The following TRAPPC8 variants were observed in gnomAD, a reference collection of about 807,000 sequenced individuals.
TRAPPC8 encodes general sporulation gene 1 homolog.
In TRAPPC8, 54 loss-of-function variants were observed where a neutral mutation model predicts 174.3. The ratio of observed to expected loss-of-function variants is 0.31; its 90% CI spans 0.25 to 0.39. TRAPPC8 has a LOEUF of 0.39. Among genes scored for constraint, TRAPPC8 ranks in the 10% least tolerant of loss-of-function variants. TRAPPC8 has a pLI of 1.00. For synonymous variants in TRAPPC8, 630 were observed against 579.9 expected, an observed-to-expected ratio of 1.09 and a Z score of -1.24; for missense variants, 1,531 against 1,699.1, an observed-to-expected ratio of 0.90 and a Z score of 1.74.
intron 12 of TRAPPC8, among the ~76,000 whole-genome samples, chr18:31,888,757 T>C (rs1364873250): frequency 6.6e-6 from 1 of 151,986 alleles, no homozygotes; most frequent in African/African-American, 2.4e-5. Context: ...CTGGGGCCTG[T>C]TGAGGGGTAG....
chr18:31,859,053 A>T (rs1262532160), intron 19 of TRAPPC8, among the ~76,000 whole-genome samples: 1 of 152,180 alleles, frequency 6.6e-6, no homozygotes, highest in South Asian at 2.1e-4. Flanking sequence ...AGATTGTGCC[A>T]CTGCACTCCA....
rs895282662 is a variant in TRAPPC8, at chr18:31,891,712, G to A, written c.1597-846C>T. On this transcript the variant is annotated intron_variant, in intron 11 of 28. Transcript: ENST00000283351. Reference sequence around the variant, plus strand: ...AGCTGAACTTACCATGCCCTTCCATGTGTTCTGCTGCCATTATTTTCCCCA... The same window carrying A: ...AGCTGAACTTACCATGCCCTTCCATATGTTCTGCTGCCATTATTTTCCCCA... Among the ~76,000 whole-genome samples, 12 of 152,272 alleles carry A rather than the reference G, an allele frequency of 7.9e-5. No homozygotes were observed. In the South Asian group the frequency reaches 2.5e-3, roughly 32 times the overall value.
chr18:31,903,107 C>CGCAT (rs1555674912), intron 9 of TRAPPC8, among the ~76,000 whole-genome samples: 7 of 137,528 alleles, frequency 5.1e-5, no homozygotes, highest in Non-Finnish European at 9.6e-5. Flanking sequence ...TTTGATTGCG[C>CGCAT]GCGTGCGTGC....
rs549891981 is a variant in TRAPPC8 at position 31,871,831 on chromosome 18, A to G, written c.2063-711T>C. Among the ~76,000 whole-genome samples the G allele has an allele frequency of 3.9e-5, 6 of 152,254 alleles. No homozygotes were observed. In the South Asian group the frequency reaches 1.2e-3, roughly 32 times the overall value. Reference sequence around the variant, plus strand: ...ATTTCTTTCACTCTTTTGCTACTACAAACAATGCTACTATGAATATGACAA... The same window carrying G: ...ATTTCTTTCACTCTTTTGCTACTACGAACAATGCTACTATGAATATGACAA... On this transcript the variant is annotated intron_variant, in intron 14 of 28. Coordinates refer to ENST00000283351, the MANE Select transcript of TRAPPC8 (RefSeq NM_014939.5).
chr18:31,864,608 A>G lies in TRAPPC8; in HGVS notation c.2745+19T>C, dbSNP rs1441731111. 1.2e-6 allele frequency: 2 copies of G among 1,603,430 alleles called. No individual in the cohort carries two copies. The highest frequency in any genetic ancestry group is 1.1e-5 in the South Asian group (1 of 87,908). On this transcript the variant is annotated intron_variant, in intron 19 of 28. Coordinates refer to ENST00000283351, the MANE Select transcript of TRAPPC8 (RefSeq NM_014939.5). ...CATATAGATAAATTAAGTCCATGAAATTTTAAAAAGTGAAATACCTCCAAC... is the reference window on the plus strand; with the variant it reads ...CATATAGATAAATTAAGTCCATGAAGTTTTAAAAAGTGAAATACCTCCAAC...
At chr18:31,851,450 A>C (rs940765437) in intron 24 of TRAPPC8, among the ~76,000 whole-genome samples, 60 of 152,084 alleles carry the variant, frequency 3.9e-4, no homozygotes, top group Admixed American at 6.6e-5. Flanking sequence ...CATATTAACA[A>C]GATTTCTGAT....
intron 19 of TRAPPC8, among the ~76,000 whole-genome samples, chr18:31,859,112 A>G (rs1043095716): frequency 6.6e-6 from 1 of 152,024 alleles, no homozygotes; most frequent in South Asian, 2.1e-4. Context: ...ACAAACAAAC[A>G]AACAAAAAAA....
At chr18:31,925,886 A>T (rs569267731) in intron 2 of TRAPPC8, among the ~76,000 whole-genome samples, 4 of 152,238 alleles carry the variant, frequency 2.6e-5, no homozygotes, top group Admixed American at 2.6e-4. Context: ...AGTATATAAA[A>T]TAAGAACATT....
chr18:31,904,850 T>A (rs957684770), intron 9 of TRAPPC8, among the ~76,000 whole-genome samples: 3 of 152,082 alleles, frequency 2.0e-5, no homozygotes, highest in South Asian at 2.1e-4. Context: ...GCCAACTTGG[T>A]GAAACCCCAT....
At chr18:31,925,667 A>C (rs1485872306) in intron 2 of TRAPPC8, among the ~76,000 whole-genome samples, 2 of 152,208 alleles carry the variant, frequency 1.3e-5, no homozygotes, top group African/African-American at 4.8e-5. Flanking sequence ...CAGTAAAATA[A>C]GTGAAAAAGG....
chr18:31,886,809 C>T (rs1317435473), intron 12 of TRAPPC8, among the ~76,000 whole-genome samples: 2 of 152,108 alleles, frequency 1.3e-5, no homozygotes, highest in Non-Finnish European at 2.9e-5. Flanking sequence ...GGTGAAACCA[C>T]GTCTCTACTA....
intron 5 of TRAPPC8, among the ~76,000 whole-genome samples, chr18:31,911,756 CAAAAAAA>C (rs71177805): frequency 0.23 from 14,640 of 63,134 alleles, 1,056 homozygotes; most frequent in South Asian, 0.44. Flanking sequence ...GACTCCGTCT[CAAAAAAA>C]AAAAAAAAAA....
chr18:31,912,809 C>A (rs765723871), intron 5 of TRAPPC8, among the ~76,000 whole-genome samples: 1 of 152,132 alleles, frequency 6.6e-6, no homozygotes, highest in African/African-American at 2.4e-5. Flanking sequence ...CAATTCTTAA[C>A]GTGTAATTCA....
intron 12 of TRAPPC8, among the ~76,000 whole-genome samples, chr18:31,880,113 ATATATATAT>A (rs1402047289): frequency 3.8e-4 from 32 of 84,130 alleles, no homozygotes; most frequent in African/African-American, 1.5e-3. Context: ...ATATATATAT[ATATATATAT>A]TTTTTTTTTT....
Position 31,913,375 on chromosome 18 carries a change from T to C in TRAPPC8, c.765A>G (p.Gln255=), listed in dbSNP as rs1326683459. 1.3e-6 allele frequency: 2 copies of C among 1,574,458 alleles called. No individual in the cohort carries two copies. The highest frequency in any genetic ancestry group is 2.1e-5 in the Admixed American group (1 of 48,146). ...WSQYLQKNSI[Q]NQESYEDGPC... is the part of the protein sequence containing the mutation. ...ATTTATTTTTTACATATACCTGGTT[T>C]TGAATACTATTTTTCTGGAGATACT... is the stretch of plus-strand genomic sequence containing the variant. Residue 255 remains glutamine, a synonymous_variant, in exon 5 of 29, where the codon CAA becomes CAG. Coordinates refer to ENST00000283351, the MANE Select transcript of TRAPPC8 (RefSeq NM_014939.5).
intron 8 of TRAPPC8, 104 bp from the exon 9 acceptor site, chr18:31,907,714 AC>A: frequency 1.0e-6 from 1 of 986,738 alleles, no homozygotes. Context: ...TATGAAGAAA[AC>A]TAATGCTGTT....
chr18:31,910,054 G>T (rs140772355), intron 5 of TRAPPC8, among the ~76,000 whole-genome samples: 2 of 151,914 alleles, frequency 1.3e-5, no homozygotes, highest in Non-Finnish European at 2.9e-5. Flanking sequence ...GTATATACAC[G>T]AGTGTTCATA....
Position 31,846,780 on chromosome 18 carries a change from T to G in TRAPPC8, c.3773A>C (p.Glu1258Ala). 6.2e-7 allele frequency: 1 copy of G among 1,612,846 alleles called. No homozygotes were observed. The highest frequency in any genetic ancestry group is 8.5e-7 in the Non-Finnish European group (1 of 1,179,188). Residue 1258 changes from glutamate to alanine, a missense_variant, in exon 26 of 29, where the codon GAA (glutamate) becomes GCA (alanine). Transcript: ENST00000283351. Reference protein sequence around the residue: ...VVEDSKQLILEGQHHVILRTI... With the variant: ...VVEDSKQLILAGQHHVILRTI... ...GCGAAGAATAACATGATGTTGACCT[T>G]CCAAAATAAGCTGTTTACTGTCTTC... is the stretch of plus-strand genomic sequence containing the variant.
In TRAPPC8 at chr18:31,907,443, T is replaced by C. The variant is rs777805478; in HGVS notation, c.1389+17A>G. ...TGGTAGCAGAATTAAGGAATTATAA[T>C]ACCATAGAATACCAACCAAGGCACC... On this transcript the variant is annotated intron_variant, in intron 9 of 28. Transcript: ENST00000283351. 6.4e-7 allele frequency: 1 copy of C among 1,554,102 alleles called. No individual in the cohort carries two copies. The highest frequency in any genetic ancestry group is 8.7e-7 in the Non-Finnish European group (1 of 1,149,152).
Sources: gnomAD v4.1 joint callset for allele counts (sites outside exome capture counted in the v4.1 genomes callset) on GRCh38, gnomAD v4.1.1 for gene constraint, MANE v1.5 for transcripts, NCBI Gene and HGNC (gene_info 2026-07-23, HGNC 2026-07-21) for gene names.